VAC14: variants seen among roughly 807,000 people sequenced by gnomAD.
The protein encoded by VAC14 is VAC14 component of PIKFYVE complex, also known as protein VAC14 homolog.
Under a neutral mutation model 85.3 loss-of-function variants are expected in VAC14, and 47 were observed. The observed-to-expected ratio is 0.55, with a 90% confidence interval of 0.44 to 0.70. The LOEUF is 0.70. Ranked by LOEUF, VAC14 falls within the 30% of genes least tolerant of loss-of-function variation. The pLI is 0.00. For synonymous variants in VAC14, 447 were observed against 430.5 expected (o/e 1.04, Z -0.47); for missense variants, 861 against 1,004.3 (o/e 0.86, Z 1.93).
In VAC14 at chr16:70,762,689, C is replaced by CG; in HGVS notation, c.1306-85dup. The CG allele has an allele frequency of 6.6e-7, 1 of 1,524,836 alleles. No homozygotes were observed. Among genetic ancestry groups the CG allele is most frequent in the Non-Finnish European group, 9.0e-7 (1 of 1,109,236 alleles). The allele number at this position is 1,524,836 out of a possible 1,614,324, so 94.5% of individuals were successfully genotyped here. On this transcript the variant is annotated intron_variant, in intron 11 of 18. Transcript: ENST00000261776. The surrounding 1 kb of genome is among the most constrained non-coding windows in gnomAD (Gnocchi z 4.1). ...CAGTGCAGTGTCCCGCTGGTGTGCA[C>CG]GGACCCACTGGTCTGCACGGACCAC...
chr16:70,786,467 G>C, intron 1 of VAC14, 102 bp from the exon 2 acceptor site: 2 of 1,463,402 alleles, frequency 1.4e-6, no homozygotes, highest in Admixed American at 2.1e-5. Context: ...TGTTTGGAAA[G>C]AGGAAATGGG....
chr16:70,753,011 G>GTGTGTGTGTGTGTGTGTGTGTGTGTGTGT (rs1555521573), intron 12 of VAC14, among the ~76,000 whole-genome samples: 20 of 143,060 alleles, frequency 1.4e-4, no homozygotes, highest in African/African-American at 4.7e-4. Flanking sequence ...AGGAGGAGGG[G>GTGTGTGTGTGTGTGTGTGTGTGTGTGTGT]GTGTGTGTGT....
intron 13 of VAC14, among the ~76,000 whole-genome samples, chr16:70,741,704 A>G (rs927105052): frequency 2.0e-5 from 3 of 152,168 alleles, no homozygotes; most frequent in African/African-American, 2.4e-5. Flanking sequence ...GTTTCTTCCC[A>G]TCTGGCATGC....
At chr16:70,695,498 C>G (rs1011662511) in intron 17 of VAC14, 46 bp downstream of exon 17, 1 of 1,593,548 alleles carries the variant, frequency 6.3e-7, no homozygotes, top group African/African-American at 1.3e-5. Context: ...CACTCCAGGG[C>G]AGCCTTGGAC....
At chr16:70,793,048 A>G (rs973790922) in intron 1 of VAC14, among the ~76,000 whole-genome samples, 1 of 152,090 alleles carries the variant, frequency 6.6e-6, no homozygotes, top group Non-Finnish European at 1.5e-5. Flanking sequence ...CCATCTCCCT[A>G]AGCCACTTCA....
At chr16:70,753,014 GT>G (rs1424604021) in intron 12 of VAC14, among the ~76,000 whole-genome samples, 4 of 126,262 alleles carry the variant, frequency 3.2e-5, no homozygotes, top group Admixed American at 7.3e-5. Flanking sequence ...AGGAGGGGGT[GT>G]GTGTGTGTGT....
chr16:70,794,050 G>C (rs746071830), intron 1 of VAC14, among the ~76,000 whole-genome samples: 7 of 152,230 alleles, frequency 4.6e-5, no homozygotes, highest in Non-Finnish European at 1.5e-5. Context: ...CAGGAGGCTT[G>C]TTTTGATCTC....
chr16:70,772,797 T>C, intron 9 of VAC14: 1 of 152,336 alleles, frequency 6.6e-6, no homozygotes, highest in East Asian at 1.9e-4. Flanking sequence ...ATCAGCATTA[T>C]CTACAATAGC....
intron 14 of VAC14, among the ~76,000 whole-genome samples, chr16:70,729,627 T>C (rs2054532004): frequency 2.0e-5 from 3 of 152,002 alleles, no homozygotes; most frequent in Non-Finnish European, 4.4e-5. Context: ...TTTACCTCTC[T>C]GGCCCTTCGT....
chr16:70,783,643 GGACCC>G (rs1317477058), intron 5 of VAC14, 89 bp from the exon 6 acceptor site: 1 of 1,314,200 alleles, frequency 7.6e-7, no homozygotes, highest in Non-Finnish European at 1.1e-6. Context: ...TGTAGGAAGG[GGACCC>G]TGCTGAGACA....
At chr16:70,718,080 T>G (rs1341396197) in intron 14 of VAC14, among the ~76,000 whole-genome samples, 2 of 152,246 alleles carry the variant, frequency 1.3e-5, no homozygotes. Context: ...GGGCCAAGCC[T>G]GGCTCTGTGA....
At position 70,762,803 on chromosome 16, in the gene VAC14, C is replaced by T; in HGVS notation, c.1305+78G>A. The T allele has an allele frequency of 6.2e-7, 1 of 1,601,660 alleles. No individual in the cohort carries two copies. Among genetic ancestry groups the T allele is most frequent in the Non-Finnish European group, 8.5e-7 (1 of 1,172,698 alleles). The stretch of plus-strand genomic sequence containing the variant: ...CCCTAGAAGGGCAATGACCAAAATG[C>T]TACCAACTATGGGCAGGCCCTGGAA... On this transcript the variant is annotated intron_variant, in intron 11 of 18. Transcript: ENST00000261776. This position sits in a 1 kb window ranked among gnomAD's most constrained non-coding sequence, Gnocchi z 4.1.
chr16:70,698,738 G>A lies in VAC14; in HGVS notation c.1735C>T (p.Leu579Phe), dbSNP rs768277321. ...MADILLREED[L>F]KFASTMVHAL... ...TGGACCATGGTCGAGGCGAACTTGA[G>A]GTCCTCCTCCCGCAGCAGGATGTCT... Residue 579 changes from leucine (L) to phenylalanine (F), a missense_variant, in exon 15 of 19, where the codon CTC (leucine) becomes TTC (phenylalanine). Coordinates refer to ENST00000261776, the MANE Select transcript of VAC14 (RefSeq NM_018052.5). 2 of 1,614,208 alleles carry A rather than the reference G, an allele frequency of 1.2e-6. No individual in the cohort carries two copies. Among genetic ancestry groups the A allele is most frequent in the South Asian group, 2.2e-5 (2 of 91,088 alleles).
chr16:70,695,461 C>A, intron 17 of VAC14, 83 bp downstream of exon 17: 3 of 1,435,240 alleles, frequency 2.1e-6, no homozygotes, highest in Non-Finnish European at 2.9e-6. Flanking sequence ...CCAAAAGAGA[C>A]CAACTGGAGC....
intron 14 of VAC14, among the ~76,000 whole-genome samples, chr16:70,728,113 C>T (rs1232485419): frequency 6.6e-6 from 1 of 152,206 alleles, no homozygotes; most frequent in Admixed American, 6.5e-5. Context: ...CCTTCTGTGG[C>T]TGTGCGGGTG....
chr16:70,738,087 C>T (rs1002979377), intron 13 of VAC14, among the ~76,000 whole-genome samples: 2 of 152,196 alleles, frequency 1.3e-5, no homozygotes, highest in African/African-American at 2.4e-5. Flanking sequence ...AGCATCAAGT[C>T]GTGCTTGGCA....
At chr16:70,698,261 C>G (rs1233403840) in intron 15 of VAC14, among the ~76,000 whole-genome samples, 1 of 152,192 alleles carries the variant, frequency 6.6e-6, no homozygotes, top group Admixed American at 6.5e-5. Context: ...ACCCAGAGGC[C>G]TGGCCCTAAG....
chr16:70,693,356 G>A lies in VAC14; in HGVS notation c.2036-385C>T, dbSNP rs373664203. On this transcript the variant is annotated intron_variant, in intron 17 of 18. Transcript: ENST00000261776. ...CTCCCTGGTGATACGAGGGCTCGGGGCCTGTAGTGTAACATATTCTCCAGT... is the reference window on the plus strand; with the variant it reads ...CTCCCTGGTGATACGAGGGCTCGGGACCTGTAGTGTAACATATTCTCCAGT... Among the ~76,000 whole-genome samples, 10 of 152,360 alleles carry A rather than the reference G, an allele frequency of 6.6e-5. No homozygotes were observed. The South Asian group carries it at 1.7e-3, about 25-fold the overall frequency.
In VAC14 at chr16:70,784,864, G is replaced by A. The variant is rs1477733112; in HGVS notation, c.424-26C>T. The A allele has an allele frequency of 9.3e-6, 15 of 1,609,844 alleles. No homozygotes were observed. In the South Asian group the frequency reaches 1.5e-4, roughly 17 times the overall value. ...CTGCAAGAGGCACAGACAGGGGAGGGACACAGAGGCGAGGGTCACGGTTGG... is the reference window on the plus strand; with the variant it reads ...CTGCAAGAGGCACAGACAGGGGAGGAACACAGAGGCGAGGGTCACGGTTGG... On this transcript the variant is annotated intron_variant, in intron 3 of 18. Coordinates refer to ENST00000261776, the MANE Select transcript of VAC14 (RefSeq NM_018052.5).
Sources: gnomAD v4.1 joint callset for allele counts (sites outside exome capture counted in the v4.1 genomes callset) on GRCh38, gnomAD v4.1.1 for gene constraint, Gnocchi (gnomAD v3.1) non-coding constraint, MANE v1.5 for transcripts, NCBI Gene and HGNC (gene_info 2026-07-23, HGNC 2026-07-21) for gene names.